The following WARS2 variants were observed in gnomAD, a reference collection of about 807,000 sequenced individuals.
The protein encoded by WARS2 is tryptophan--tRNA ligase, mitochondrial.
WARS2 carries 28 observed loss-of-function variants against 36.5 expected under a neutral mutation model. The ratio of observed to expected loss-of-function variants is 0.77; its 90% CI spans 0.57 to 1.05. The LOEUF is 1.05. WARS2 is among the 50% of genes least tolerant of loss of function. The pLI is 0.00. For missense variants in WARS2, 435 were observed against 456.8 expected, an observed-to-expected ratio of 0.95 and a Z score of 0.44; for synonymous variants, 174 against 178.4, an observed-to-expected ratio of 0.98 and a Z score of 0.20.
chr1:119,113,912 C>T (rs1445722019), intron 1 of WARS2, among the ~76,000 whole-genome samples: 1 of 152,070 alleles, frequency 6.6e-6, no homozygotes, highest in Non-Finnish European at 1.5e-5. Context: ...GCTTAAGATG[C>T]TAAATACTTG....
chr1:119,079,998 T>A (rs587721763), intron 1 of WARS2, among the ~76,000 whole-genome samples: 1 of 152,154 alleles, frequency 6.6e-6, no homozygotes, highest in Non-Finnish European at 1.5e-5. Flanking sequence ...TAGCATAGAA[T>A]GAGTACCTAT....
intron 1 of WARS2, among the ~76,000 whole-genome samples, chr1:119,094,500 AC>A (rs1653278111): frequency 1.3e-5 from 2 of 152,138 alleles, no homozygotes; most frequent in South Asian, 2.1e-4. Flanking sequence ...CTTTAAAAAA[AC>A]AAGTAAATAT....
intron 2 of WARS2, among the ~76,000 whole-genome samples, chr1:119,066,212 T>C (rs1178738011): frequency 6.6e-6 from 1 of 152,028 alleles, no homozygotes; most frequent in Non-Finnish European, 1.5e-5. Flanking sequence ...GTGCGGTGGC[T>C]CACGCCTGTA....
At chr1:119,086,065 GC>G in intron 1 of WARS2, 2 of 1,177,792 alleles carry the variant, frequency 1.7e-6, no homozygotes, top group African/African-American at 1.5e-5. Context: ...TTGCTATCTT[GC>G]CCAGATTGGT....
At chr1:119,040,889 A>G (rs550430334) in intron 4 of WARS2, among the ~76,000 whole-genome samples, 60 of 152,326 alleles carry the variant, frequency 3.9e-4, no homozygotes, top group African/African-American at 1.4e-3. Context: ...TTCATTTGTT[A>G]CTTATTGGAG....
chr1:119,031,613 G>C lies in WARS2; in HGVS notation c.*1298C>G, dbSNP rs951228896. 1 of 152,068 alleles carries C rather than the reference G, an allele frequency of 6.6e-6. No individual in the cohort carries two copies. Among genetic ancestry groups the C allele is most frequent in the Non-Finnish European group, 1.5e-5 (1 of 68,010 alleles). 9.4% of individuals were successfully genotyped at this position (152,068 alleles called of 1,614,324 possible). A position where few individuals can be genotyped will look rare whatever the true frequency, so the allele number is the denominator to read the frequency against. Reference sequence around the variant, plus strand: ...TATAAGCAATTTCTGTTACAAAATCGATCTTGCTAACAGGTCTTGGTGTAT... The same window carrying C: ...TATAAGCAATTTCTGTTACAAAATCCATCTTGCTAACAGGTCTTGGTGTAT... On this transcript the variant is annotated 3_prime_UTR_variant, in exon 6 of 6. Transcript: ENST00000235521.
chr1:119,126,875 G>A, intron 1 of WARS2: 1 of 810,448 alleles, frequency 1.2e-6, no homozygotes, highest in Non-Finnish European at 2.1e-6. Context: ...GAGCATAAGA[G>A]GTCTTCCGTA....
intron 1 of WARS2, 125 bp from the exon 2 acceptor site, chr1:119,076,732 T>C: frequency 1.4e-6 from 2 of 1,397,146 alleles, no homozygotes; most frequent in Non-Finnish European, 1.9e-6. Context: ...GTCATCATCA[T>C]CCATTTATTT....
intron 1 of WARS2, among the ~76,000 whole-genome samples, chr1:119,118,347 A>T (rs1372913463): frequency 1.3e-5 from 2 of 152,076 alleles, no homozygotes; most frequent in Non-Finnish European, 2.9e-5. Context: ...GCTCAAAGAC[A>T]AAACTTTTGA....
chr1:119,047,182 G>A (rs1466118217), intron 2 of WARS2, among the ~76,000 whole-genome samples: 1 of 152,174 alleles, frequency 6.6e-6, no homozygotes, highest in Non-Finnish European at 1.5e-5. Flanking sequence ...CCTGGATGTA[G>A]GCAAGAGGAC....
At chr1:119,111,115 T>C (rs1194432030) in intron 1 of WARS2, among the ~76,000 whole-genome samples, 1 of 152,216 alleles carries the variant, frequency 6.6e-6, no homozygotes, top group Non-Finnish European at 1.5e-5. Flanking sequence ...AATTCTCATA[T>C]TCCTGACATA....
Position 119,032,693 on chromosome 1 carries a change from T to A in WARS2, c.*218A>T. 1.8e-6 allele frequency: 1 copy of A among 559,902 alleles called. No homozygotes were observed. The allele number at this position is 559,902 out of a possible 1,614,324, so 34.7% of individuals were successfully genotyped here. A position where few individuals can be genotyped will look rare whatever the true frequency, so the allele number is the denominator to read the frequency against. ...TTCAGACAGCTATGCCTTCTTGATT[T>A]ATTTTTTGTTGTTGTTGTTCACAGC... On this transcript the variant is annotated 3_prime_UTR_variant, in exon 6 of 6. Coordinates refer to ENST00000235521, the MANE Select transcript of WARS2 (RefSeq NM_015836.4).
At chr1:119,065,240 C>T (rs1372325275) in intron 2 of WARS2, among the ~76,000 whole-genome samples, 2 of 151,862 alleles carry the variant, frequency 1.3e-5, no homozygotes, top group Non-Finnish European at 2.9e-5. Context: ...CAAAACAGAA[C>T]TTAGAAGGAA....
At chr1:119,051,277 T>C (rs184820782) in intron 2 of WARS2, among the ~76,000 whole-genome samples, 56 of 152,318 alleles carry the variant, frequency 3.7e-4, no homozygotes, top group African/African-American at 1.3e-3. Context: ...AGTGAGAATA[T>C]GTGGCATTTG....
At chr1:119,085,406 C>T (rs191712188) in intron 1 of WARS2, 14 of 1,430,202 alleles carry the variant, frequency 9.8e-6, no homozygotes, top group Middle Eastern at 1.8e-4. Flanking sequence ...TTCTGGGTGA[C>T]GAAGAGGATG....
At chr1:119,076,665 G>A (rs1223045775) in intron 1 of WARS2, 58 bp from the exon 2 acceptor site, 2 of 1,598,072 alleles carry the variant, frequency 1.3e-6, no homozygotes, top group African/African-American at 2.7e-5. Context: ...TGAATCCTAT[G>A]CCCATGTTAT....
At chr1:119,042,658 T>C (rs1479530502) in intron 3 of WARS2, among the ~76,000 whole-genome samples, 1 of 152,138 alleles carries the variant, frequency 6.6e-6, no homozygotes, top group Admixed American at 6.5e-5. Context: ...CCAAATCGGA[T>C]AAATTCCAGA....
At chr1:119,059,758 A>T (rs12034909) in intron 2 of WARS2, among the ~76,000 whole-genome samples, 33,396 of 152,138 alleles carry the variant, frequency 0.22, 5,034 homozygotes, top group East Asian at 0.52. Context: ...ATCAATATTT[A>T]AAAAAAGTAG....
At chr1:119,121,963 C>A (rs1391461356) in intron 1 of WARS2, among the ~76,000 whole-genome samples, 1 of 152,016 alleles carries the variant, frequency 6.6e-6, no homozygotes, top group Non-Finnish European at 1.5e-5. Flanking sequence ...CAGAAAAATT[C>A]TCCTAGATAC....
Sources: allele counts gnomAD v4.1 joint callset (sites outside exome capture counted in the v4.1 genomes callset), GRCh38; gene constraint gnomAD v4.1.1; transcripts MANE v1.5; gene names NCBI Gene and HGNC (gene_info 2026-07-23, HGNC 2026-07-21).